The following MAPK8 variants were observed in gnomAD, a reference collection of about 807,000 sequenced individuals.
The protein encoded by MAPK8 is mitogen-activated protein kinase 8.
In MAPK8, 13 loss-of-function variants were observed where a neutral mutation model predicts 52.9. That is an observed-to-expected ratio of 0.25 (90% confidence interval 0.16 to 0.39). The LOEUF is 0.39. MAPK8 is among the 10% of genes least tolerant of loss of function. MAPK8 has a pLI of 1.00. For missense variants in MAPK8, 300 were observed against 519.2 expected, an observed-to-expected ratio of 0.58 and a Z score of 4.10; for synonymous variants, 191 against 169.8, an observed-to-expected ratio of 1.12 and a Z score of -0.97.
At position 48,427,063 on chromosome 10, in the gene MAPK8, T is replaced by G; in HGVS notation, c.997-17T>G. The G allele has an allele frequency of 1.2e-6, 2 of 1,606,700 alleles. No individual in the cohort carries two copies. The highest frequency in any genetic ancestry group is 2.2e-5 in the South Asian group (2 of 90,876). Reference sequence around the variant, plus strand: ...CCCAGCATACTGACTTGGTTATTATTGCCTTGTGTTTTTCAGCCACCACCA... The same window carrying G: ...CCCAGCATACTGACTTGGTTATTATGGCCTTGTGTTTTTCAGCCACCACCA... On this transcript the variant is annotated splice_polypyrimidine_tract_variant and intron_variant, in intron 9 of 11. Transcript: ENST00000374189.
chr10:48,331,249 A>G (rs1007040648), intron 1 of MAPK8, among the ~76,000 whole-genome samples: 3 of 152,208 alleles, frequency 2.0e-5, no homozygotes, highest in Non-Finnish European at 2.9e-5. Flanking sequence ...CCCACAAGGT[A>G]AGACCTGGCA....
intron 1 of MAPK8, among the ~76,000 whole-genome samples, chr10:48,398,021 A>G (rs2041976187): frequency 6.6e-6 from 1 of 152,334 alleles, no homozygotes; most frequent in East Asian, 1.9e-4. Flanking sequence ...TAGTTTGATT[A>G]ATAGTTTTAT....
At chr10:48,373,960 A>G (rs1338337815) in intron 1 of MAPK8, among the ~76,000 whole-genome samples, 2 of 152,166 alleles carry the variant, frequency 1.3e-5, no homozygotes, top group Non-Finnish European at 2.9e-5. Flanking sequence ...CCTCAGCACC[A>G]CATCGCACTT....
rs560447323 is a variant in MAPK8 at position 48,372,274 on chromosome 10, C to T, written c.-49-29338C>T. ...GTCCATGAAGATGGGGAGAAACCAG[C>T]GCAAAAAGTCTGAAAATTCCAAAAA... On this transcript the variant is annotated intron_variant, in intron 1 of 11. Transcript: ENST00000374189. Among the ~76,000 whole-genome samples the T allele has an allele frequency of 3.9e-5, 6 of 152,070 alleles. No individual in the cohort carries two copies. In the South Asian group the frequency reaches 6.2e-4, roughly 16 times the overall value.
chr10:48,325,356 T>C (rs1843411511), intron 1 of MAPK8, among the ~76,000 whole-genome samples: 1 of 152,228 alleles, frequency 6.6e-6, no homozygotes, highest in Non-Finnish European at 1.5e-5. Context: ...AAATGTTTAT[T>C]TCTCTTCAAT....
In MAPK8 at chr10:48,414,621, G is replaced by A. The variant is rs944287694; in HGVS notation, c.450+4453G>A. The stretch of plus-strand genomic sequence containing the variant: ...AGACAGGGTCTCTGTCTGTCACCCA[G>A]GCATGAGTGCAGTAGCATGAACATG... On this transcript the variant is annotated intron_variant, in intron 5 of 11. Coordinates refer to ENST00000374189, the MANE Select transcript of MAPK8 (RefSeq NM_001323329.2). Among the ~76,000 whole-genome samples, 5 of 141,240 alleles carry A rather than the reference G, an allele frequency of 3.5e-5. No homozygotes were observed. The Admixed American group carries it at 3.8e-4, about 11-fold the overall frequency. 92.7% of individuals were successfully genotyped at this position (141,240 alleles called of 152,430 possible). A position where few individuals can be genotyped will look rare whatever the true frequency, so the allele number is the denominator to read the frequency against.
intron 1 of MAPK8, among the ~76,000 whole-genome samples, chr10:48,343,971 G>A (rs576606971): frequency 6.6e-6 from 1 of 152,304 alleles, no homozygotes; most frequent in Admixed American, 6.5e-5. Flanking sequence ...TTGCAAGACA[G>A]GAATCTAAGG....
chr10:48,330,015 T>G (rs1210684235), intron 1 of MAPK8, among the ~76,000 whole-genome samples: 1 of 152,182 alleles, frequency 6.6e-6, no homozygotes, highest in Non-Finnish European at 1.5e-5. Context: ...TAGCTAGTAA[T>G]ATTTTGGTGT....
chr10:48,314,978 A>G (rs1321846047), intron 1 of MAPK8, among the ~76,000 whole-genome samples: 1 of 152,152 alleles, frequency 6.6e-6, no homozygotes, highest in Non-Finnish European at 1.5e-5. Context: ...TTAAAATGCC[A>G]CCTTTACCAT....
chr10:48,323,680 A>G (rs17697849), intron 1 of MAPK8, among the ~76,000 whole-genome samples: 2,631 of 152,318 alleles, frequency 0.017, 30 homozygotes, highest in South Asian at 0.029. Flanking sequence ...AAAGTTTTCC[A>G]TACATCTTAA....
intron 1 of MAPK8, among the ~76,000 whole-genome samples, chr10:48,346,578 A>C (rs1384718701): frequency 6.6e-6 from 1 of 152,020 alleles, no homozygotes; most frequent in African/African-American, 2.4e-5. Context: ...TCCCCGGGGG[A>C]GTTTAGAGAA....
At chr10:48,375,065 G>A (rs2040568557) in intron 1 of MAPK8, among the ~76,000 whole-genome samples, 1 of 152,150 alleles carries the variant, frequency 6.6e-6, no homozygotes, top group African/African-American at 2.4e-5. Context: ...TCATCCCTGG[G>A]ATGCGAGGCT....
chr10:48,364,866 G>T (rs747018929), intron 1 of MAPK8, among the ~76,000 whole-genome samples: 3 of 152,108 alleles, frequency 2.0e-5, no homozygotes, highest in African/African-American at 4.8e-5. Context: ...TTCTTGCCAA[G>T]CTAGAGCAAT....
At chr10:48,390,848 G>T (rs937788325) in intron 1 of MAPK8, among the ~76,000 whole-genome samples, 1 of 152,144 alleles carries the variant, frequency 6.6e-6, no homozygotes, top group African/African-American at 2.4e-5. Context: ...GCAGTTGTTT[G>T]TTCTAACTCT....
chr10:48,427,198 A>G, intron 10 of MAPK8, 55 bp downstream of exon 10: 2 of 1,289,750 alleles, frequency 1.6e-6, no homozygotes, highest in South Asian at 1.3e-5. Flanking sequence ...TGGTTTTTAT[A>G]TGGTGATTTA....
chr10:48,349,509 C>T (rs555308279), intron 1 of MAPK8, among the ~76,000 whole-genome samples: 4 of 152,240 alleles, frequency 2.6e-5, no homozygotes, highest in African/African-American at 9.6e-5. Context: ...ACAACTTGCT[C>T]CTGAATGACT....
chr10:48,424,624 T>G (rs2043562702), intron 7 of MAPK8: 2 of 1,379,364 alleles, frequency 1.4e-6, no homozygotes, highest in African/African-American at 2.9e-5. Flanking sequence ...TTTCTAAAGG[T>G]CAAAATGTAT....
At chr10:48,387,482 A>C (rs998176935) in intron 1 of MAPK8, among the ~76,000 whole-genome samples, 1 of 152,092 alleles carries the variant, frequency 6.6e-6, no homozygotes, top group Non-Finnish European at 1.5e-5. Flanking sequence ...ATTTTTATAA[A>C]ATTGTGTAAG....
At chr10:48,317,575 T>A (rs1842626851) in intron 1 of MAPK8, among the ~76,000 whole-genome samples, 1 of 152,202 alleles carries the variant, frequency 6.6e-6, no homozygotes, top group African/African-American at 2.4e-5. Flanking sequence ...GGTTGGTGGA[T>A]AAAGGAAATT....
Sources: allele counts gnomAD v4.1 joint callset (sites outside exome capture counted in the v4.1 genomes callset), GRCh38; gene constraint gnomAD v4.1.1; transcripts MANE v1.5; gene names NCBI Gene and HGNC (gene_info 2026-07-23, HGNC 2026-07-21).